Variants in MEIS1 observed in about 807,000 individuals in gnomAD.
MEIS1 encodes the protein Meis homeobox 1.
MEIS1 carries 5 observed loss-of-function variants against 50.8 expected under a neutral mutation model. That is an observed-to-expected ratio of 0.10 (90% confidence interval 0.05 to 0.21). The LOEUF (loss-of-function observed/expected upper bound fraction) is 0.21. Ranked by LOEUF, MEIS1 falls within the 10% of genes least tolerant of loss-of-function variation. The probability of loss-of-function intolerance (pLI) is 1.00; values close to 1 mark genes in which losing one functional copy is unlikely to be tolerated. For missense variants in MEIS1, 318 were observed against 517.3 expected (o/e 0.61, Z 3.74); for synonymous variants, 176 against 179.3 (o/e 0.98, Z 0.15).
intron 8 of MEIS1, among the ~76,000 whole-genome samples, chr2:66,519,610 C>T (rs943755796): frequency 1.3e-5 from 2 of 152,086 alleles, no homozygotes; most frequent in African/African-American, 4.8e-5. Flanking sequence ...GCTTTTTAGT[C>T]CTTGTTTTTC....
chr2:66,484,533 A>G (rs1324274677), intron 7 of MEIS1, among the ~76,000 whole-genome samples: 1 of 151,702 alleles, frequency 6.6e-6, no homozygotes, highest in African/African-American at 2.4e-5. Context: ...TACAAAAGGA[A>G]TTTTCTTTCT....
At chr2:66,559,513 G>C (rs748517463) in intron 9 of MEIS1, among the ~76,000 whole-genome samples, 3 of 152,054 alleles carry the variant, frequency 2.0e-5, no homozygotes, top group African/African-American at 4.8e-5. Flanking sequence ...CAATTTTATT[G>C]ACTTCTTGTG....
intron 7 of MEIS1, among the ~76,000 whole-genome samples, chr2:66,474,762 C>G (rs1672849129): frequency 1.3e-5 from 2 of 152,238 alleles, no homozygotes; most frequent in Admixed American, 1.3e-4. Flanking sequence ...TCCCTCTTAC[C>G]AATATCAATT....
At chr2:66,558,328 A>AAGGATAGTC (rs1474677624) in intron 9 of MEIS1, among the ~76,000 whole-genome samples, 3 of 151,826 alleles carry the variant, frequency 2.0e-5, no homozygotes, top group Admixed American at 2.0e-4. Context: ...GAAAAAGAAA[A>AAGGATAGTC]AGGATAGTCA....
chr2:66,485,296 T>G (rs1351087864), intron 7 of MEIS1, among the ~76,000 whole-genome samples: 6 of 151,984 alleles, frequency 3.9e-5, no homozygotes, highest in Non-Finnish European at 8.8e-5. Flanking sequence ...GATATTTCCC[T>G]CCCTGTGCCC....
At chr2:66,554,885 GA>G (rs1368685721) in intron 9 of MEIS1, among the ~76,000 whole-genome samples, 1 of 152,118 alleles carries the variant, frequency 6.6e-6, no homozygotes, top group African/African-American at 2.4e-5. Flanking sequence ...AAAACTAGAT[GA>G]AATTAAACAT....
chr2:66,485,343 G>A (rs1673117034), intron 7 of MEIS1, among the ~76,000 whole-genome samples: 2 of 152,138 alleles, frequency 1.3e-5, no homozygotes, highest in Admixed American at 6.6e-5. Context: ...TTATGAGTGA[G>A]AACATGTGGT....
intron 7 of MEIS1, among the ~76,000 whole-genome samples, chr2:66,485,964 T>A (rs2203831): frequency 0.093 from 14,145 of 152,280 alleles, 871 homozygotes; most frequent in South Asian, 0.25. Context: ...TTCTTGTAAA[T>A]TTGTTTAAGT....
chr2:66,569,425 C>T (rs1259368694), intron 12 of MEIS1: 5 of 213,642 alleles, frequency 2.3e-5, no homozygotes, highest in Non-Finnish European at 4.6e-5. Context: ...GTTGTCATAG[C>T]AACAGACTGA....
intron 7 of MEIS1, among the ~76,000 whole-genome samples, chr2:66,505,815 C>G (rs894624044): frequency 1.4e-4 from 22 of 152,200 alleles, no homozygotes; most frequent in African/African-American, 5.3e-4. Flanking sequence ...ATTCTGATAC[C>G]TTAACTCTTA....
At chr2:66,436,152 C>T (rs1489205423) in intron 1 of MEIS1, among the ~76,000 whole-genome samples, 1 of 151,836 alleles carries the variant, frequency 6.6e-6, no homozygotes, top group African/African-American at 2.4e-5. Context: ...TTTAAAAAAG[C>T]TAGATACCTA....
intron 7 of MEIS1, among the ~76,000 whole-genome samples, chr2:66,484,474 G>GGT (rs1673088667): frequency 2.6e-5 from 4 of 152,072 alleles, no homozygotes; most frequent in Admixed American, 2.6e-4. Flanking sequence ...CCCTTCTCAA[G>GGT]GGATTATAGG....
chr2:66,451,967 A>G (rs1165309026), intron 6 of MEIS1, among the ~76,000 whole-genome samples: 1 of 151,994 alleles, frequency 6.6e-6, no homozygotes, highest in African/African-American at 2.4e-5. Flanking sequence ...AAACTCGTAT[A>G]TGACATTTTA....
At chr2:66,440,180 C>G in intron 3 of MEIS1, 196 bp downstream of exon 3, 2 of 633,086 alleles carry the variant, frequency 3.2e-6, no homozygotes, top group Non-Finnish European at 5.4e-6. Context: ...GTCTGAGTGT[C>G]TGTTTGCAGA....
intron 6 of MEIS1, among the ~76,000 whole-genome samples, chr2:66,455,076 T>A (rs1672358145): frequency 6.6e-6 from 1 of 152,156 alleles, no homozygotes; most frequent in Non-Finnish European, 1.5e-5. Flanking sequence ...AGCATGCCAG[T>A]TATAATACAA....
intron 9 of MEIS1, among the ~76,000 whole-genome samples, chr2:66,559,460 G>C (rs942986672): frequency 6.6e-6 from 1 of 152,122 alleles, no homozygotes; most frequent in Non-Finnish European, 1.5e-5. Context: ...GCTTTAAATA[G>C]ATACATTTAT....
chr2:66,552,795 TAATC>T (rs1006401666), intron 9 of MEIS1, among the ~76,000 whole-genome samples: 17 of 152,334 alleles, frequency 1.1e-4, no homozygotes, highest in African/African-American at 4.1e-4. Context: ...CTTTTACAAA[TAATC>T]AAAGATTCTA....
chr2:66,553,672 A>C (rs1558561526), intron 9 of MEIS1, among the ~76,000 whole-genome samples: 1 of 152,226 alleles, frequency 6.6e-6, no homozygotes, highest in Non-Finnish European at 1.5e-5. Flanking sequence ...TTAAGAGTTC[A>C]ACAGAGACAC....
intron 9 of MEIS1, among the ~76,000 whole-genome samples, chr2:66,565,292 C>T (rs1333478714): frequency 1.6e-4 from 24 of 152,178 alleles, no homozygotes; most frequent in Admixed American, 1.6e-3. Context: ...CTCTCTCTCT[C>T]TCTCTTTGAA....
Sources: gnomAD v4.1 joint callset for allele counts (sites outside exome capture counted in the v4.1 genomes callset) on GRCh38, gnomAD v4.1.1 for gene constraint, MANE v1.5 for transcripts, NCBI Gene and HGNC (gene_info 2026-07-23, HGNC 2026-07-21) for gene names.